Variants in QDPR observed in about 807,000 individuals in gnomAD.
The protein encoded by QDPR is dihydropteridine reductase.
In QDPR, 23 loss-of-function variants were observed where a neutral mutation model predicts 31.7. The observed-to-expected ratio is 0.73, with a 90% CI of 0.52 to 1.03. QDPR has a LOEUF of 1.03. Among genes scored for constraint, QDPR ranks in the 50% least tolerant of loss-of-function variants. QDPR has a pLI of 0.00. For missense variants in QDPR, 324 were observed against 323.8 expected (o/e 1.00, Z 0.00); for synonymous variants, 124 against 124.7 (o/e 0.99, Z 0.03).
chr4:17,511,980 T>C lies in QDPR; in HGVS notation c.75A>G (p.Arg25=). The C allele has an allele frequency of 6.2e-7, 1 of 1,610,316 alleles. No homozygotes were observed. Among genetic ancestry groups the C allele is most frequent in the Non-Finnish European group, 8.5e-7 (1 of 1,179,048 alleles). The stretch of plus-strand genomic sequence containing the variant: ...TGCGGGCCCGAAAAGCCTGCACGCA[T>C]CGAGAACCCAGAGCGCCCCTGCCGC... ...VYGGRGALGS[R]CVQAFRARNW... is the part of the protein sequence containing the mutation. Residue 25 remains arginine, a synonymous_variant, in exon 1 of 7, where the codon CGA becomes CGG. Coordinates refer to ENST00000281243, the MANE Select transcript of QDPR (RefSeq NM_000320.3).
chr4:17,498,264 G>C (rs1158108379), intron 4 of QDPR, among the ~76,000 whole-genome samples: 3 of 152,178 alleles, frequency 2.0e-5, no homozygotes, highest in Non-Finnish European at 4.4e-5. Context: ...TCACAAAACT[G>C]CTTCAACAAC....
intron 4 of QDPR, among the ~76,000 whole-genome samples, chr4:17,496,490 T>C: frequency 6.9e-6 from 1 of 144,338 alleles, no homozygotes; most frequent in East Asian, 2.1e-4. Flanking sequence ...CTGGTAGCTC[T>C]GTTCATTAAA....
chr4:17,500,959 C>A (rs529858293), intron 4 of QDPR, among the ~76,000 whole-genome samples: 1 of 152,260 alleles, frequency 6.6e-6, no homozygotes, highest in African/African-American at 2.4e-5. Context: ...GACTATAAGA[C>A]CTACCATTTA....
At chr4:17,495,734 T>G (rs1718324935) in intron 4 of QDPR, among the ~76,000 whole-genome samples, 1 of 152,062 alleles carries the variant, frequency 6.6e-6, no homozygotes, top group Admixed American at 6.6e-5. Flanking sequence ...TTTGGCCAGG[T>G]GAGGTAGTTC....
At chr4:17,509,846 T>C in intron 1 of QDPR, 1 of 419,434 alleles carries the variant, frequency 2.4e-6, no homozygotes, top group Non-Finnish European at 4.8e-6. Context: ...CTACTCCGCC[T>C]CCACATTCAC....
Position 17,487,225 on chromosome 4 carries a change from T to C in QDPR, c.641A>G (p.Asp214Gly), listed in dbSNP as rs1717992642. Residue 214 changes from aspartate (D) to glycine (G), a missense_variant, in exon 7 of 7, where the codon GAC (aspartate) becomes GGC (glycine). Transcript: ENST00000281243. ...PLEFLVETFH[D>G]WITGKNRPSS... is the part of the protein sequence containing the mutation. ...CGGTCGGTTTTTCCCTGTGATCCAGTCATGGAAAGTTCTGGAACAGAAAAT... is the reference window on the plus strand; with the variant it reads ...CGGTCGGTTTTTCCCTGTGATCCAGCCATGGAAAGTTCTGGAACAGAAAAT... The C allele has an allele frequency of 1.2e-6, 2 of 1,613,602 alleles. No individual in the cohort carries two copies. Among genetic ancestry groups the C allele is most frequent in the Non-Finnish European group, 1.7e-6 (2 of 1,179,808 alleles).
intron 1 of QDPR, among the ~76,000 whole-genome samples, chr4:17,510,975 T>C (rs1434308334): frequency 1.1e-4 from 17 of 152,198 alleles, no homozygotes. Context: ...ATGTACACTA[T>C]TTGGGTGATG....
At position 17,490,687 on chromosome 4, in the gene QDPR, A is replaced by G; in HGVS notation, c.604T>C (p.Trp202Arg). 1 of 1,614,086 alleles carries G rather than the reference A, an allele frequency of 6.2e-7. No individual in the cohort carries two copies. The highest frequency in any genetic ancestry group is 8.5e-7 in the Non-Finnish European group (1 of 1,179,924). ...TCAACTAGGAATTCTAAGGGTGTCC[A>G]GGAGCTGAAGTCAGCCTCAGGCATT... Reference protein sequence around the residue: ...KSMPEADFSSWTPLEFLVETF... With the variant: ...KSMPEADFSSRTPLEFLVETF... The change falls in exon 6 of 7, where the codon TGG becomes CGG. Residue 202 changes from tryptophan to arginine, a missense_variant. Transcript: ENST00000281243.
At chr4:17,509,440 G>C (rs1283610152) in intron 1 of QDPR, 77 bp from the exon 2 acceptor site, 1 of 1,318,814 alleles carries the variant, frequency 7.6e-7, no homozygotes, top group Non-Finnish European at 1.1e-6. Flanking sequence ...GAAATGAGGG[G>C]AGTTGGCCAG....
Position 17,511,939 on chromosome 4 carries a change from C to A in QDPR, c.105+11G>T, listed in dbSNP as rs760199891. ...CCGCGGAGACCCAGCAGCCCCAGCCCGCAGCATTACCCAGTTGCGGGCCCG... is the reference window on the plus strand; with the variant it reads ...CCGCGGAGACCCAGCAGCCCCAGCCAGCAGCATTACCCAGTTGCGGGCCCG... On this transcript the variant is annotated intron_variant, in intron 1 of 6. Coordinates refer to ENST00000281243, the MANE Select transcript of QDPR (RefSeq NM_000320.3). 5.6e-6 allele frequency: 9 copies of A among 1,608,874 alleles called. No homozygotes were observed. The highest frequency in any genetic ancestry group is 5.9e-6 in the Non-Finnish European group (7 of 1,178,238).
At chr4:17,500,637 C>A (rs1179315966) in intron 4 of QDPR, among the ~76,000 whole-genome samples, 1 of 152,210 alleles carries the variant, frequency 6.6e-6, no homozygotes, top group African/African-American at 2.4e-5. Flanking sequence ...GCCAGCCCTG[C>A]AGATACCTTG....
chr4:17,511,840 G>C (rs1269711962), intron 1 of QDPR, 110 bp downstream of exon 1: 1 of 1,080,366 alleles, frequency 9.3e-7, no homozygotes, highest in South Asian at 1.4e-5. Flanking sequence ...ACACGAGTCA[G>C]GGGGTGCACA....
At chr4:17,492,553 A>T in intron 4 of QDPR, 1 of 592,548 alleles carries the variant, frequency 1.7e-6, no homozygotes, top group Non-Finnish European at 3.0e-6. Flanking sequence ...GTTGGGAATT[A>T]TGGCCTCTGG....
intron 2 of QDPR, among the ~76,000 whole-genome samples, chr4:17,504,933 C>A (rs1026813954): frequency 6.6e-6 from 1 of 152,046 alleles, no homozygotes; most frequent in Non-Finnish European, 1.5e-5. Flanking sequence ...ATCCCTTTAA[C>A]TGCAACTCTG....
intron 4 of QDPR, among the ~76,000 whole-genome samples, chr4:17,496,022 AAAATAAATAAAT>A (rs150999940): frequency 7.3e-5 from 11 of 151,264 alleles, no homozygotes; most frequent in African/African-American, 1.2e-4. Flanking sequence ...AAAAAAAAGG[AAAATAAATAAAT>A]AAATAAATAA....
At chr4:17,509,430 G>T (rs1207076500) in intron 1 of QDPR, 67 bp from the exon 2 acceptor site, 1 of 1,404,730 alleles carries the variant, frequency 7.1e-7, no homozygotes, top group Non-Finnish European at 1.0e-6. Context: ...GTCACACATA[G>T]AAATGAGGGG....
chr4:17,487,229 G>T lies in QDPR; in HGVS notation c.637C>A (p.His213Asn). 1 of 1,613,584 alleles carries T rather than the reference G, an allele frequency of 6.2e-7. No individual in the cohort carries two copies. Residue 213 changes from histidine (H) to asparagine (N), a missense_variant, in exon 7 of 7, where the codon CAT becomes AAT. Coordinates refer to ENST00000281243, the MANE Select transcript of QDPR (RefSeq NM_000320.3). The stretch of plus-strand genomic sequence containing the variant: ...CGGTTTTTCCCTGTGATCCAGTCAT[G>T]GAAAGTTCTGGAACAGAAAATAAAA... ...TPLEFLVETF[H>N]DWITGKNRPS... is the part of the protein sequence containing the mutation.
At chr4:17,488,393 T>C (rs1718045096) in intron 6 of QDPR, among the ~76,000 whole-genome samples, 1 of 152,222 alleles carries the variant, frequency 6.6e-6, no homozygotes, top group Non-Finnish European at 1.5e-5. Context: ...ATTTGGCATT[T>C]TTTTAATCAA....
chr4:17,509,414 G>T, intron 1 of QDPR, 51 bp from the exon 2 acceptor site: 1 of 1,508,480 alleles, frequency 6.6e-7, no homozygotes, highest in Non-Finnish European at 9.2e-7. Context: ...GTTATTCCAT[G>T]AAAGAGTCAC....
Sources: allele counts gnomAD v4.1 joint callset (sites outside exome capture counted in the v4.1 genomes callset), GRCh38; gene constraint gnomAD v4.1.1; transcripts MANE v1.5; gene names NCBI Gene and HGNC (gene_info 2026-07-23, HGNC 2026-07-21).